FKBP4: variants seen among roughly 807,000 people sequenced by gnomAD.
FKBP4 encodes peptidyl-prolyl cis-trans isomerase FKBP4.
In FKBP4, 28 loss-of-function variants were observed where a neutral mutation model predicts 54.1. The observed-to-expected ratio is 0.52, with a 90% confidence interval of 0.38 to 0.71. The LOEUF is 0.71. Among genes scored for constraint, FKBP4 ranks in the 30% least tolerant of loss-of-function variants. The pLI is 0.00. For missense variants in FKBP4, 493 were observed against 574.4 expected, an observed-to-expected ratio of 0.86 and a Z score of 1.45; for synonymous variants, 223 against 216.1, an observed-to-expected ratio of 1.03 and a Z score of -0.28.
rs1234310602 is a variant in FKBP4, at chr12:2,804,056, A to G, written c.*798A>G. On this transcript the variant is annotated 3_prime_UTR_variant, in exon 10 of 10. Coordinates refer to ENST00000001008, the MANE Select transcript of FKBP4 (RefSeq NM_002014.4). ...CCCACTTAGTTCCAGTTGAGCTTAA[A>G]TAAGTGAGCATCTCATGTAGATGCC... 3 of 115,582 alleles carry G rather than the reference A, an allele frequency of 2.6e-5. No homozygotes were observed. The highest frequency in any genetic ancestry group is 8.0e-5 in the Admixed American group (1 of 12,566). 7.2% of individuals were successfully genotyped at this position (115,582 alleles called of 1,614,324 possible). A position where few individuals can be genotyped will look rare whatever the true frequency, so the allele number is the denominator to read the frequency against.
At position 2,798,722 on chromosome 12, in the gene FKBP4, T is replaced by C. The variant is rs1328366143; in HGVS notation, c.410T>C (p.Phe137Ser). The C allele has an allele frequency of 6.2e-7, 1 of 1,613,780 alleles. No homozygotes were observed. The highest frequency in any genetic ancestry group is 2.2e-5 in the East Asian group (1 of 44,868). The change falls in exon 4 of 10, where the codon TTT becomes TCT. Residue 137 changes from phenylalanine to serine, a missense_variant. Phe to Ser is a radical substitution (Grantham distance 155). Transcript: ENST00000001008. This position sits in a 1 kb window ranked among gnomAD's most constrained non-coding sequence, Gnocchi z 4.3. ...GTCCCACAGGTGGAGTTGTTTGAGT[T>C]TAAGGGAGAAGATCTGACGGAAGAG... ...TLVFEVELFE[F>S]KGEDLTEEED...
At position 2,800,425 on chromosome 12, in the gene FKBP4, A is replaced by G. The variant is rs758569908; in HGVS notation, c.880A>G (p.Lys294Glu). The G allele has an allele frequency of 6.2e-7, 1 of 1,613,886 alleles. No homozygotes were observed. The highest frequency in any genetic ancestry group is 2.2e-5 in the East Asian group (1 of 44,892). The change falls in exon 8 of 10, where the codon AAG (lysine) becomes GAG (glutamate). Residue 294 changes from lysine to glutamate, a missense_variant. Lys to Glu is a moderately conservative substitution (Grantham distance 56). Transcript: ENST00000001008. ...GKYKQALLQY[K>E]KIVSWLEYES... ...ATACAAGCAAGCTTTACTACAGTAT[A>G]AGAAGATCGTGTCTTGGCTGGAATA...
rs762958722 is a variant in FKBP4, at chr12:2,798,728, G to A, written c.416G>A (p.Gly139Glu). 21 of 1,613,818 alleles carry A rather than the reference G, an allele frequency of 1.3e-5. No homozygotes were observed. The highest frequency in any genetic ancestry group is 1.8e-5 in the Non-Finnish European group (21 of 1,180,032). ...CAGGTGGAGTTGTTTGAGTTTAAGG[G>A]AGAAGATCTGACGGAAGAGGAAGAT... is the stretch of plus-strand genomic sequence containing the variant. ...VFEVELFEFKGEDLTEEEDGG... is the reference protein window; with the variant it reads ...VFEVELFEFKEEDLTEEEDGG... The change falls in exon 4 of 10, where the codon GGA (glycine) becomes GAA (glutamate). Residue 139 changes from glycine to glutamate, a missense_variant. Physicochemically the swap from Gly to Glu is moderately conservative, Grantham distance 98. Coordinates refer to ENST00000001008, the MANE Select transcript of FKBP4 (RefSeq NM_002014.4). This position sits in a 1 kb window ranked among gnomAD's most constrained non-coding sequence, Gnocchi z 4.3.
intron 1 of FKBP4, chr12:2,796,272 G>A (rs1449996181): frequency 7.8e-7 from 1 of 1,289,162 alleles, no homozygotes; most frequent in Non-Finnish European, 1.0e-6. Context: ...CAGATTATTG[G>A]GGACCTCAAG....
rs969805587 is a variant in FKBP4, at chr12:2,795,063, A to G, written c.-77A>G. Reference sequence around the variant, plus strand: ...GCGCCCGGCCTCCCGCACGCCCCGCAGGTAGCGCCCCCGCCCGCGGCCCAG... The same window carrying G: ...GCGCCCGGCCTCCCGCACGCCCCGCGGGTAGCGCCCCCGCCCGCGGCCCAG... On this transcript the variant is annotated 5_prime_UTR_variant, in exon 1 of 10. Transcript: ENST00000001008. The surrounding 1 kb of genome is among the most constrained non-coding windows in gnomAD (Gnocchi z 4.3). 36 of 886,384 alleles carry G rather than the reference A, an allele frequency of 4.1e-5. No individual in the cohort carries two copies. Among genetic ancestry groups the G allele is most frequent in the Non-Finnish European group, 4.9e-5 (33 of 672,668 alleles). The allele number at this position is 886,384 out of a possible 1,614,324, so 54.9% of individuals were successfully genotyped here.
intron 8 of FKBP4, 60 bp from the exon 9 acceptor site, chr12:2,801,056 AG>A: frequency 6.2e-7 from 1 of 1,602,564 alleles, no homozygotes; most frequent in East Asian, 2.2e-5. Context: ...AACCCAGTCT[AG>A]GCCAGATGAG....
intron 5 of FKBP4, among the ~76,000 whole-genome samples, chr12:2,799,581 T>A (rs900933383): frequency 1.3e-5 from 2 of 152,228 alleles, no homozygotes; most frequent in African/African-American, 4.8e-5. Context: ...TAGAACATTG[T>A]TTCTGCCTTC....
Position 2,803,134 on chromosome 12 carries a change from G to A in FKBP4, c.1273-17G>A, listed in dbSNP as rs1286915468. 9 of 1,576,138 alleles carry A rather than the reference G, an allele frequency of 5.7e-6. No individual in the cohort carries two copies. The highest frequency in any genetic ancestry group is 1.3e-5 in the African/African-American group (1 of 74,084). On this transcript the variant is annotated splice_polypyrimidine_tract_variant and intron_variant, in intron 9 of 9. Transcript: ENST00000001008. Reference sequence around the variant, plus strand: ...CACTTGGGAAGTCAGCCCGTTTGCTGTTCATCTTCCTTGCAGGCCAAGGCA... The same window carrying A: ...CACTTGGGAAGTCAGCCCGTTTGCTATTCATCTTCCTTGCAGGCCAAGGCA...
In FKBP4 at chr12:2,797,195, G is replaced by A. The variant is rs780282208; in HGVS notation, c.163G>A (p.Val55Ile). 4.8e-5 allele frequency: 78 copies of A among 1,613,652 alleles called. 1 individual carries two copies. In the Admixed American group the frequency reaches 1.3e-3, roughly 27 times the overall value. Reference protein sequence around the residue: ...EMPMIGDRVFVHYTGWLLDGT... With the variant: ...EMPMIGDRVFIHYTGWLLDGT... ...GCCCATGATTGGGGACCGAGTCTTT[G>A]TCCACTACACTGGCTGGCTATTAGA... is the stretch of plus-strand genomic sequence containing the variant. The change falls in exon 2 of 10, where the codon GTC becomes ATC. Residue 55 changes from valine to isoleucine, a missense_variant. Physicochemically the swap from Val to Ile is conservative, Grantham distance 29. Coordinates refer to ENST00000001008, the MANE Select transcript of FKBP4 (RefSeq NM_002014.4).
At chr12:2,796,799 A>G (rs2097902109) in intron 1 of FKBP4, 2 of 1,092,818 alleles carry the variant, frequency 1.8e-6, no homozygotes, top group Admixed American at 9.5e-5. Context: ...TTACTGGTCT[A>G]ATCTTCCAAC....
intron 2 of FKBP4, 145 bp downstream of exon 2, chr12:2,797,427 TCTACCG>T: frequency 2.1e-6 from 2 of 943,740 alleles, no homozygotes; most frequent in Non-Finnish European, 3.2e-6. Flanking sequence ...TTTTTTTTTT[TCTACCG>T]TTCTGTAACT....
At chr12:2,801,915 G>GCAGA (rs1002983253) in intron 9 of FKBP4, 5 of 161,828 alleles carry the variant, frequency 3.1e-5, no homozygotes, top group Non-Finnish European at 5.4e-5. Flanking sequence ...CAAGGCACAG[G>GCAGA]CAGACGTTCC....
At chr12:2,796,711 C>A in intron 1 of FKBP4, 1 of 1,069,754 alleles carries the variant, frequency 9.3e-7, no homozygotes, top group Non-Finnish European at 1.1e-6. Context: ...CGACCACTGG[C>A]ATGAAGGAAG....
chr12:2,797,055 T>A, intron 1 of FKBP4, 83 bp from the exon 2 acceptor site: 1 of 1,567,934 alleles, frequency 6.4e-7, no homozygotes, highest in Non-Finnish European at 8.6e-7. Flanking sequence ...CCCTTTATGT[T>A]CCCTCTGGAG....
In FKBP4 at chr12:2,804,543, G is replaced by A. The variant is rs2097906530; in HGVS notation, c.*1285G>A. On this transcript the variant is annotated 3_prime_UTR_variant, in exon 10 of 10. Coordinates refer to ENST00000001008, the MANE Select transcript of FKBP4 (RefSeq NM_002014.4). Reference sequence around the variant, plus strand: ...ATGGCATGATGGGGCCCTGGGAGAAGCCAGGCAGCACAAGCCAGTCATGCT... The same window carrying A: ...ATGGCATGATGGGGCCCTGGGAGAAACCAGGCAGCACAAGCCAGTCATGCT... 6.6e-6 allele frequency: 1 copy of A among 152,258 alleles called. No individual in the cohort carries two copies. Among genetic ancestry groups the A allele is most frequent in the Non-Finnish European group, 1.5e-5 (1 of 68,092 alleles). 9.4% of individuals were successfully genotyped at this position (152,258 alleles called of 1,614,324 possible).
Position 2,797,188 on chromosome 12 carries a change from A to G in FKBP4, c.156A>G (p.Arg52=). ...CAGAGATGCCCATGATTGGGGACCG[A>G]GTCTTTGTCCACTACACTGGCTGGC... ...TGTEMPMIGD[R]VFVHYTGWLL... Residue 52 remains arginine, a synonymous_variant, in exon 2 of 10, where the codon CGA becomes CGG. Coordinates refer to ENST00000001008, the MANE Select transcript of FKBP4 (RefSeq NM_002014.4). 1.2e-6 allele frequency: 2 copies of G among 1,613,722 alleles called. No individual in the cohort carries two copies. The highest frequency in any genetic ancestry group is 8.5e-7 in the Non-Finnish European group (1 of 1,179,862).
chr12:2,799,134 G>C lies in FKBP4; in HGVS notation c.561G>C (p.Glu187Asp). Residue 187 changes from glutamate to aspartate, a missense_variant, in exon 5 of 10, where the codon GAG (glutamate) becomes GAC (aspartate). Physicochemically the swap from Glu to Asp is conservative, Grantham distance 45 (BLOSUM62 2). Coordinates refer to ENST00000001008, the MANE Select transcript of FKBP4 (RefSeq NM_002014.4). Reference sequence around the variant, plus strand: ...AGGACAAGCTCTTTGACCAGCGGGAGCTCCGCTTTGAGATTGGCGAGGGGG... The same window carrying C: ...AGGACAAGCTCTTTGACCAGCGGGACCTCCGCTTTGAGATTGGCGAGGGGG... ...YYKDKLFDQRELRFEIGEGEN... is the reference protein window; with the variant it reads ...YYKDKLFDQRDLRFEIGEGEN... The C allele has an allele frequency of 6.3e-7, 1 of 1,580,814 alleles. No homozygotes were observed. The highest frequency in any genetic ancestry group is 8.6e-7 in the Non-Finnish European group (1 of 1,166,734).
intron 1 of FKBP4, chr12:2,796,664 T>C: frequency 9.1e-7 from 1 of 1,093,318 alleles, no homozygotes; most frequent in Non-Finnish European, 1.1e-6. Flanking sequence ...CTCATACTCC[T>C]CTCGCTCTCC....
Position 2,803,591 on chromosome 12 carries a change from A to G in FKBP4, c.*333A>G, listed in dbSNP as rs2097906026. 4.4e-6 allele frequency: 1 copy of G among 224,966 alleles called. No individual in the cohort carries two copies. The highest frequency in any genetic ancestry group is 9.1e-6 in the Non-Finnish European group (1 of 109,408). The allele number at this position is 224,966 out of a possible 1,614,324, so 13.9% of individuals were successfully genotyped here. A position where few individuals can be genotyped will look rare whatever the true frequency, so the allele number is the denominator to read the frequency against. On this transcript the variant is annotated 3_prime_UTR_variant, in exon 10 of 10. Transcript: ENST00000001008. ...AGGCAAGTGGTAGGGATGAGGTCTG[A>G]TAAGAACCCAGGGTGGAGAGGGAGA...
Sources: gnomAD v4.1 joint callset for allele counts (sites outside exome capture counted in the v4.1 genomes callset) on GRCh38, gnomAD v4.1.1 for gene constraint, Gnocchi (gnomAD v3.1) non-coding constraint, MANE v1.5 for transcripts, NCBI Gene and HGNC (gene_info 2026-07-23, HGNC 2026-07-21) for gene names.